LRRC4C: variants seen among roughly 807,000 people sequenced by gnomAD.
LRRC4C encodes the protein leucine-rich repeat-containing protein 4C.
LRRC4C carries 5 observed loss-of-function variants against 33.6 expected under a neutral mutation model. The observed-to-expected ratio is 0.15, with a 90% CI of 0.08 to 0.31. LRRC4C has a LOEUF of 0.31. Among genes scored for constraint, LRRC4C ranks in the 10% least tolerant of loss-of-function variants. The pLI, the probability that LRRC4C is intolerant of heterozygous loss-of-function variation, is 1.00. For synonymous variants in LRRC4C, 329 were observed against 302.0 expected, an observed-to-expected ratio of 1.09 and a Z score of -0.93; for missense variants, 560 against 796.7, an observed-to-expected ratio of 0.70 and a Z score of 3.58.
chr11:40,793,196 A>G (rs1950696663), intron 2 of LRRC4C, among the ~76,000 whole-genome samples: 1 of 152,154 alleles, frequency 6.6e-6, no homozygotes, highest in Admixed American at 6.5e-5. Flanking sequence ...GAGTCAATGA[A>G]AAATGCCCTT....
intron 1 of LRRC4C, among the ~76,000 whole-genome samples, chr11:41,130,812 A>T (rs1942976582): frequency 6.6e-6 from 1 of 152,016 alleles, no homozygotes. Flanking sequence ...TAATACTTCT[A>T]TATTTACAAA....
rs555728740 is a variant in LRRC4C at position 41,175,088 on chromosome 11, A to G, written c.-495-241365T>C. Among the ~76,000 whole-genome samples, 13 of 151,830 alleles carry G rather than the reference A, an allele frequency of 8.6e-5. No homozygotes were observed. In the South Asian group the frequency reaches 2.5e-3, roughly 29 times the overall value. The stretch of plus-strand genomic sequence containing the variant: ...TTGAATCTGCACATTTTTTCTTCCT[A>G]TTCCCACTATGAATGCCTGTAGTCC... On this transcript the variant is annotated intron_variant, in intron 1 of 6. Transcript: ENST00000528697.
intron 3 of LRRC4C, among the ~76,000 whole-genome samples, chr11:40,444,599 T>A (rs1191942858): frequency 2.0e-5 from 3 of 152,106 alleles, no homozygotes; most frequent in Admixed American, 2.0e-4. Context: ...TTTGCCTAAT[T>A]TTTTTCTTTT....
At chr11:40,122,794 C>T (rs952352872) in intron 6 of LRRC4C, among the ~76,000 whole-genome samples, 5 of 145,510 alleles carry the variant, frequency 3.4e-5, no homozygotes, top group African/African-American at 1.0e-4. Flanking sequence ...GTTGCCTACC[C>T]AAACATCCTA....
chr11:40,907,758 T>A (rs1423985938), intron 2 of LRRC4C, among the ~76,000 whole-genome samples: 1 of 152,174 alleles, frequency 6.6e-6, no homozygotes, highest in Non-Finnish European at 1.5e-5. Context: ...GAGCTGCAAT[T>A]TTTCTCAAAA....
chr11:40,776,833 G>A (rs1950019358), intron 2 of LRRC4C, among the ~76,000 whole-genome samples: 2 of 151,944 alleles, frequency 1.3e-5, no homozygotes, highest in African/African-American at 4.8e-5. Context: ...GTTAATTTGA[G>A]TTATTTCTAA....
chr11:40,166,575 A>G (rs1859614574), intron 5 of LRRC4C, among the ~76,000 whole-genome samples: 1 of 152,114 alleles, frequency 6.6e-6, no homozygotes, highest in Admixed American at 6.6e-5. Context: ...GTGATTTTTT[A>G]TTAGAATATT....
intron 1 of LRRC4C, among the ~76,000 whole-genome samples, chr11:41,194,986 G>A (rs1418991223): frequency 8.6e-5 from 13 of 151,826 alleles, no homozygotes; most frequent in Non-Finnish European, 4.4e-5. Flanking sequence ...TAATTTTGCA[G>A]AGCCCACCAA....
intron 1 of LRRC4C, among the ~76,000 whole-genome samples, chr11:41,307,954 C>T (rs566385593): frequency 1.3e-5 from 2 of 152,256 alleles, no homozygotes; most frequent in East Asian, 3.9e-4. Flanking sequence ...GTGTCTCCAT[C>T]GCCCACATTC....
In LRRC4C at chr11:41,012,295, AC is replaced by A. The variant is rs559573059; in HGVS notation, c.-495-78573del. Among the ~76,000 whole-genome samples, 250 of 152,096 alleles carry A rather than the reference AC, an allele frequency of 1.6e-3. 2 individuals are homozygous for A. The highest frequency in any genetic ancestry group is 5.9e-3 in the African/African-American group (246 of 41,486). ...AGTTTACTCTCTCTCCATAAGATAT[AC>A]TTTTTTAGTTGGCACATAAGAGTGA... On this transcript the variant is annotated intron_variant, in intron 1 of 6. Coordinates refer to ENST00000528697, the MANE Select transcript of LRRC4C (RefSeq NM_001258419.2).
chr11:40,883,823 C>T (rs139016059), intron 2 of LRRC4C, among the ~76,000 whole-genome samples: 82 of 150,638 alleles, frequency 5.4e-4, no homozygotes, highest in African/African-American at 1.8e-3. Context: ...TTCAAAATGA[C>T]GGATTTAAAA....
At chr11:40,138,131 T>A (rs1222089308) in intron 6 of LRRC4C, among the ~76,000 whole-genome samples, 1 of 152,088 alleles carries the variant, frequency 6.6e-6, no homozygotes, top group African/African-American at 2.4e-5. Flanking sequence ...TGTAGACATA[T>A]CTTCTGCTAG....
chr11:40,662,575 C>A (rs184580384), intron 2 of LRRC4C, among the ~76,000 whole-genome samples: 1 of 152,134 alleles, frequency 6.6e-6, no homozygotes, highest in African/African-American at 2.4e-5. Flanking sequence ...TCCGTGTTCA[C>A]GAAAAGAAAC....
At chr11:40,969,042 G>A (rs1381498142) in intron 1 of LRRC4C, among the ~76,000 whole-genome samples, 1 of 152,094 alleles carries the variant, frequency 6.6e-6, no homozygotes, top group Non-Finnish European at 1.5e-5. Flanking sequence ...CATTCCAGAT[G>A]CCATTAAGAA....
chr11:40,524,363 T>A (rs2135254700), intron 3 of LRRC4C, among the ~76,000 whole-genome samples: 1 of 152,298 alleles, frequency 6.6e-6, no homozygotes, highest in East Asian at 1.9e-4. Context: ...GAAGTTACTT[T>A]TCTACACAAA....
intron 1 of LRRC4C, among the ~76,000 whole-genome samples, chr11:41,130,944 A>C (rs183221829): frequency 2.6e-5 from 4 of 152,138 alleles, no homozygotes; most frequent in Non-Finnish European, 4.4e-5. Flanking sequence ...AGAAGAGAAA[A>C]ATCTTTTTTT....
In LRRC4C at chr11:40,295,553, T is replaced by A. The variant is rs1944467217; in HGVS notation, c.-176+24075A>T. Among the ~76,000 whole-genome samples, 3 of 152,290 alleles carry A rather than the reference T, an allele frequency of 2.0e-5. No individual in the cohort carries two copies. The South Asian group carries it at 6.2e-4, about 32-fold the overall frequency. On this transcript the variant is annotated intron_variant, in intron 4 of 6. Coordinates refer to ENST00000528697, the MANE Select transcript of LRRC4C (RefSeq NM_001258419.2). ...TATCTAAGTTTATACAAAATGCTATTTTTTTCCTCTTCTGTTCCCATTATA... is the reference window on the plus strand; with the variant it reads ...TATCTAAGTTTATACAAAATGCTATATTTTTCCTCTTCTGTTCCCATTATA...
chr11:41,437,913 C>A (rs1955486592), intron 1 of LRRC4C, among the ~76,000 whole-genome samples: 2 of 152,152 alleles, frequency 1.3e-5, no homozygotes, highest in South Asian at 4.2e-4. Context: ...TTGTGGGCAC[C>A]TGTAATTCCA....
At position 41,072,001 on chromosome 11, in the gene LRRC4C, G is replaced by A. The variant is rs187602607; in HGVS notation, c.-495-138278C>T. On this transcript the variant is annotated intron_variant, in intron 1 of 6. Transcript: ENST00000528697. Reference sequence around the variant, plus strand: ...AGCCCGGAGATGTGACTGAATTGCTGCAATTTCATAAAAAAACTTGAATGG... The same window carrying A: ...AGCCCGGAGATGTGACTGAATTGCTACAATTTCATAAAAAAACTTGAATGG... 6.6e-5 allele frequency among the ~76,000 whole-genome samples: 10 copies of A among 152,180 alleles called. No individual in the cohort carries two copies. In the East Asian group the frequency reaches 1.9e-3, roughly 29 times the overall value.
Sources: gnomAD v4.1 joint callset for allele counts (sites outside exome capture counted in the v4.1 genomes callset) on GRCh38, gnomAD v4.1.1 for gene constraint, MANE v1.5 for transcripts, NCBI Gene and HGNC (gene_info 2026-07-23, HGNC 2026-07-21) for gene names.